Variants in SIPA1L2 observed in about 807,000 individuals in gnomAD.
The protein encoded by SIPA1L2 is signal induced proliferation associated 1 like 2, also known as signal-induced proliferation-associated 1-like protein 2.
Under a neutral mutation model 163.9 loss-of-function variants are expected in SIPA1L2, and 56 were observed. That is an observed-to-expected ratio of 0.34 (90% CI 0.28 to 0.43). The LOEUF (loss-of-function observed/expected upper bound fraction) is 0.43. Among genes scored for constraint, SIPA1L2 ranks in the 20% least tolerant of loss-of-function variants. The pLI, the probability that SIPA1L2 is intolerant of heterozygous loss-of-function variation, is 1.00. For synonymous variants in SIPA1L2, 877 were observed against 865.7 expected (o/e 1.01, Z -0.23); for missense variants, 1,974 against 2,193.5 (o/e 0.90, Z 2.00).
chr1:232,600,753 C>T, intron 1 of SIPA1L2, among the ~76,000 whole-genome samples: 1 of 152,138 alleles, frequency 6.6e-6, no homozygotes, highest in Non-Finnish European at 1.5e-5. Flanking sequence ...CCCCCTGCCC[C>T]TCAGCACTCA....
At chr1:232,476,856 C>A (rs548395568) in intron 7 of SIPA1L2, among the ~76,000 whole-genome samples, 2 of 152,280 alleles carry the variant, frequency 1.3e-5, no homozygotes, top group African/African-American at 4.8e-5. Flanking sequence ...GAGTCTGGAC[C>A]AGTTAAATGG....
intron 2 of SIPA1L2, among the ~76,000 whole-genome samples, chr1:232,563,962 TG>T: frequency 1.7e-5 from 2 of 119,372 alleles, no homozygotes; most frequent in Admixed American, 1.6e-4. Context: ...TTTTCGTGTG[TG>T]TGTGTGTGTG....
chr1:232,407,461 G>C (rs186997027), intron 19 of SIPA1L2, among the ~76,000 whole-genome samples: 12 of 152,298 alleles, frequency 7.9e-5, no homozygotes, highest in Non-Finnish European at 1.5e-4. Context: ...TGTTTATTAT[G>C]CTCTGTTTAA....
chr1:232,398,372 C>T lies in SIPA1L2; in HGVS notation c.*755G>A, dbSNP rs755554471. On this transcript the variant is annotated 3_prime_UTR_variant, in exon 23 of 23. Transcript: ENST00000674635. Reference sequence around the variant, plus strand: ...TCACTCTCATTTCTTTCCAGCAGAGCAACTATACAAAAGTGAACTAAGAGT... The same window carrying T: ...TCACTCTCATTTCTTTCCAGCAGAGTAACTATACAAAAGTGAACTAAGAGT... The T allele has an allele frequency of 3.3e-5, 5 of 152,582 alleles. No homozygotes were observed. The highest frequency in any genetic ancestry group is 7.3e-5 in the Non-Finnish European group (5 of 68,042). The allele number at this position is 152,582 out of a possible 1,614,324, so 9.5% of individuals were successfully genotyped here.
chr1:232,497,265 T>G (rs1232261125), intron 3 of SIPA1L2, among the ~76,000 whole-genome samples: 1 of 152,168 alleles, frequency 6.6e-6, no homozygotes, highest in African/African-American at 2.4e-5. Flanking sequence ...TATTTACTTC[T>G]CAAAACTCTC....
chr1:232,493,501 A>C, intron 4 of SIPA1L2, 26 bp downstream of exon 4: 1 of 1,613,670 alleles, frequency 6.2e-7, no homozygotes, highest in Non-Finnish European at 8.5e-7. Context: ...CTTTAGCCCA[A>C]TAACTACGGC....
At chr1:232,434,611 G>C (rs920301622) in intron 15 of SIPA1L2, among the ~76,000 whole-genome samples, 3 of 152,140 alleles carry the variant, frequency 2.0e-5, no homozygotes, top group Non-Finnish European at 4.4e-5. Flanking sequence ...AATAATAGGA[G>C]CTAATGGACT....
At chr1:232,605,082 G>T (rs1311322129) in intron 1 of SIPA1L2, among the ~76,000 whole-genome samples, 1 of 152,136 alleles carries the variant, frequency 6.6e-6, no homozygotes, top group Admixed American at 6.5e-5. Context: ...GCTCAATCAT[G>T]GCTCACTGCA....
intron 3 of SIPA1L2, among the ~76,000 whole-genome samples, chr1:232,503,723 T>C (rs780775378): frequency 8.5e-5 from 13 of 152,264 alleles, no homozygotes; most frequent in Non-Finnish European, 1.9e-4. Context: ...GATCATTTAA[T>C]TGCCTACTCT....
intron 2 of SIPA1L2, among the ~76,000 whole-genome samples, chr1:232,572,184 C>T (rs528505446): frequency 6.6e-6 from 1 of 152,126 alleles, no homozygotes; most frequent in Admixed American, 6.5e-5. Context: ...CCAGAAGGTC[C>T]CCAGCTGTGT....
At chr1:232,499,614 A>G (rs1666364999) in intron 3 of SIPA1L2, among the ~76,000 whole-genome samples, 1 of 152,254 alleles carries the variant, frequency 6.6e-6, no homozygotes, top group Non-Finnish European at 1.5e-5. Flanking sequence ...TGAAGTAGCA[A>G]GTGCTGATGG....
chr1:232,569,523 TC>T (rs1659595863), intron 2 of SIPA1L2, among the ~76,000 whole-genome samples: 1 of 152,072 alleles, frequency 6.6e-6, no homozygotes, highest in Non-Finnish European at 1.5e-5. Context: ...ATTTTAAAAA[TC>T]GATGAAGGCC....
intron 2 of SIPA1L2, chr1:232,561,607 AGAAT>A (rs1021516390): frequency 1.3e-5 from 2 of 152,390 alleles, no homozygotes; most frequent in African/African-American, 2.4e-5. Context: ...GCCTGTGCCC[AGAAT>A]GAACAGTCCA....
At chr1:232,438,196 C>T (rs1662678437) in intron 15 of SIPA1L2, among the ~76,000 whole-genome samples, 1 of 152,032 alleles carries the variant, frequency 6.6e-6, no homozygotes, top group Admixed American at 6.5e-5. Context: ...CCTTGAGCAC[C>T]ATCATTTGGA....
intron 4 of SIPA1L2, among the ~76,000 whole-genome samples, chr1:232,491,545 A>G (rs186981561): frequency 1.8e-3 from 276 of 152,330 alleles, no homozygotes; most frequent in Non-Finnish European, 2.7e-3. Flanking sequence ...ACAGGGGAGC[A>G]GCAGCCAGTG....
At chr1:232,499,624 G>C (rs1666365635) in intron 3 of SIPA1L2, among the ~76,000 whole-genome samples, 1 of 152,214 alleles carries the variant, frequency 6.6e-6, no homozygotes, top group African/African-American at 2.4e-5. Flanking sequence ...AGTGCTGATG[G>C]AGTGAAGCTA....
chr1:232,554,487 C>T (rs955888126), intron 2 of SIPA1L2, among the ~76,000 whole-genome samples: 2 of 152,240 alleles, frequency 1.3e-5, no homozygotes, highest in African/African-American at 4.8e-5. Flanking sequence ...CAGGAAAAGT[C>T]TTTCCACAAT....
At chr1:232,580,990 T>C (rs908178065) in intron 1 of SIPA1L2, among the ~76,000 whole-genome samples, 7 of 152,162 alleles carry the variant, frequency 4.6e-5, no homozygotes, top group South Asian at 2.1e-4. Flanking sequence ...GAATGGCCCA[T>C]AGCACCTATA....
At chr1:232,488,444 T>A (rs1432083783) in intron 5 of SIPA1L2, among the ~76,000 whole-genome samples, 1 of 152,160 alleles carries the variant, frequency 6.6e-6, no homozygotes, top group East Asian at 1.9e-4. Flanking sequence ...GAAACTGGGA[T>A]GTTAAAAAAG....
Sources: allele counts gnomAD v4.1 joint callset (sites outside exome capture counted in the v4.1 genomes callset), GRCh38; gene constraint gnomAD v4.1.1; transcripts MANE v1.5; gene names NCBI Gene and HGNC (gene_info 2026-07-23, HGNC 2026-07-21).